SLC2A9: variants seen among roughly 807,000 people sequenced by gnomAD.
SLC2A9 encodes the protein solute carrier family 2 member 9.
Under a neutral mutation model 50.6 loss-of-function variants are expected in SLC2A9, and 39 were observed. The ratio of observed to expected loss-of-function variants is 0.77; its 90% CI spans 0.60 to 1.01. The LOEUF is 1.01. Among genes scored for constraint, SLC2A9 ranks in the 50% least tolerant of loss-of-function variants. The probability of loss-of-function intolerance (pLI) is 0.00; values close to 1 mark genes in which losing one functional copy is unlikely to be tolerated. For synonymous variants in SLC2A9, 324 were observed against 276.9 expected (o/e 1.17, Z -1.69); for missense variants, 686 against 677.6 (o/e 1.01, Z -0.14).
At chr4:9,796,934 C>T (rs1266339041), downstream of SLC2A9, among the ~76,000 whole-genome samples, 2 of 152,128 alleles carry the variant, frequency 1.3e-5, no homozygotes, top group Non-Finnish European at 2.9e-5. Flanking sequence ...CATGGCTAAG[C>T]CCAATGTCAG....
chr4:9,783,723 G>A, intron 3 of SLC2A9: 3 of 404,862 alleles, frequency 7.4e-6, no homozygotes, highest in Non-Finnish European at 1.4e-5. Flanking sequence ...GTATGGTGCT[G>A]GGTCCTTAAA....
chr4:10,001,117 C>A (rs566874303), intron 2 of SLC2A9, among the ~76,000 whole-genome samples: 20 of 152,184 alleles, frequency 1.3e-4, no homozygotes, highest in Non-Finnish European at 2.4e-4. Flanking sequence ...TGACTGGTGT[C>A]CTTTATAGAA....
Position 9,826,340 on chromosome 4 carries a change from A to T in SLC2A9, c.*57T>A. 1 of 1,561,570 alleles carries T rather than the reference A, an allele frequency of 6.4e-7. No homozygotes were observed. Among genetic ancestry groups the T allele is most frequent in the African/African-American group, 1.4e-5 (1 of 73,876 alleles). On this transcript the variant is annotated 3_prime_UTR_variant, in exon 12 of 12. Coordinates refer to ENST00000264784, the MANE Select transcript of SLC2A9 (RefSeq NM_020041.3). ...TTTAAGTTTCCTGAAAAGTGAGATC[A>T]TCCATGTAGACAATCCTGTTTTTGA...
At chr4:9,930,317 G>C (rs1745669319) in intron 6 of SLC2A9, among the ~76,000 whole-genome samples, 1 of 152,238 alleles carries the variant, frequency 6.6e-6, no homozygotes. Flanking sequence ...CTAAAGACGG[G>C]TGGAAGGAAA....
intron 6 of SLC2A9, among the ~76,000 whole-genome samples, chr4:9,938,309 T>C (rs543782515): frequency 6.7e-6 from 1 of 150,160 alleles, no homozygotes; most frequent in Non-Finnish European, 1.5e-5. Context: ...TCTCACTCTG[T>C]TGCCCAGGCT....
At chr4:9,892,417 G>A (rs1280397318) in intron 8 of SLC2A9, among the ~76,000 whole-genome samples, 1 of 152,196 alleles carries the variant, frequency 6.6e-6, no homozygotes, top group African/African-American at 2.4e-5. Flanking sequence ...TAGGGAAGAA[G>A]GGCAGACTCA....
chr4:9,952,316 C>T (rs4447861), intron 5 of SLC2A9, among the ~76,000 whole-genome samples: 73,237 of 151,796 alleles, frequency 0.48, 19,050 homozygotes, highest in African/African-American at 0.67. Context: ...TGGCTTAGTG[C>T]TGTCCTCATG....
At chr4:10,027,013 C>T (rs1201211076) in intron 1 of SLC2A9, among the ~76,000 whole-genome samples, 1 of 151,824 alleles carries the variant, frequency 6.6e-6, no homozygotes, top group Non-Finnish European at 1.5e-5. Flanking sequence ...CACTGCACTC[C>T]AGCCTGGTCA....
chr4:9,816,272 G>C (rs192486249), intron 3 of SLC2A9, among the ~76,000 whole-genome samples: 1 of 152,162 alleles, frequency 6.6e-6, no homozygotes, highest in African/African-American at 2.4e-5. Flanking sequence ...ACCTGCTCTG[G>C]AGACAACTGC....
intron 5 of SLC2A9, among the ~76,000 whole-genome samples, chr4:9,952,550 TA>T (rs1750505685): frequency 6.6e-6 from 1 of 150,920 alleles, no homozygotes; most frequent in Non-Finnish European, 1.5e-5. Context: ...TTTTTTTTTT[TA>T]AAGACAGGAT....
chr4:9,869,415 T>C (rs1350270347), intron 10 of SLC2A9, among the ~76,000 whole-genome samples: 3 of 152,214 alleles, frequency 2.0e-5, no homozygotes, highest in African/African-American at 7.2e-5. Flanking sequence ...CACCAGCTGC[T>C]GGTTCCCAAT....
chr4:9,872,614 A>G (rs1733632884), intron 10 of SLC2A9, among the ~76,000 whole-genome samples: 1 of 152,186 alleles, frequency 6.6e-6, no homozygotes, highest in African/African-American at 2.4e-5. Flanking sequence ...AAAGGGAAAG[A>G]TATATATATT....
At chr4:9,781,779 A>G (rs952516156) in intron 3 of SLC2A9, 2 of 407,834 alleles carry the variant, frequency 4.9e-6, no homozygotes, top group Admixed American at 4.2e-5. Context: ...GTCAGCGAGC[A>G]CCAGCCGCTT....
intron 6 of SLC2A9, among the ~76,000 whole-genome samples, chr4:9,941,078 G>A (rs1748040697): frequency 6.6e-6 from 1 of 152,180 alleles, no homozygotes; most frequent in African/African-American, 2.4e-5. Context: ...CATCAGAGCT[G>A]GATGTGAAGG....
At chr4:9,868,719 C>T (rs865903553) in intron 10 of SLC2A9, among the ~76,000 whole-genome samples, 1 of 152,184 alleles carries the variant, frequency 6.6e-6, no homozygotes, top group African/African-American at 2.4e-5. Flanking sequence ...TAACTGAGCG[C>T]TTCATAAGCC....
intron 3 of SLC2A9, among the ~76,000 whole-genome samples, chr4:9,995,091 C>T (rs527886649): frequency 6.6e-6 from 1 of 152,264 alleles, no homozygotes; most frequent in African/African-American, 2.4e-5. Context: ...AGCCTAAGCT[C>T]AGCCACAGTG....
intron 2 of SLC2A9, chr4:10,009,856 G>T (rs1276798104): frequency 6.6e-6 from 1 of 152,150 alleles, no homozygotes; most frequent in Non-Finnish European, 1.5e-5. Flanking sequence ...AGTATTTTCT[G>T]TTTATAATAT....
chr4:9,904,274 G>T (rs1039017803), intron 8 of SLC2A9, among the ~76,000 whole-genome samples: 66 of 152,162 alleles, frequency 4.3e-4, no homozygotes, highest in Admixed American at 4.3e-3. Flanking sequence ...TGTCTGCAGG[G>T]CTGGTTCCTT....
At chr4:9,910,742 A>G (rs1057326987) in intron 7 of SLC2A9, among the ~76,000 whole-genome samples, 2 of 152,274 alleles carry the variant, frequency 1.3e-5, no homozygotes, top group East Asian at 3.9e-4. Flanking sequence ...CCTGGTTTCA[A>G]TTCTCCCCAT....
Sources: allele counts gnomAD v4.1 joint callset (sites outside exome capture counted in the v4.1 genomes callset), GRCh38; gene constraint gnomAD v4.1.1; transcripts MANE v1.5; gene names NCBI Gene and HGNC (gene_info 2026-07-23, HGNC 2026-07-21).